CISD3: variants seen among roughly 807,000 people sequenced by gnomAD.
CISD3 encodes the protein CDGSH iron sulfur domain 3, also known as CDGSH iron-sulfur domain-containing protein 3, mitochondrial.
A neutral mutation model predicts 14.1 loss-of-function variants in CISD3; 11 were observed. The observed-to-expected ratio is 0.78, with a 90% CI of 0.49 to 1.29. The LOEUF (loss-of-function observed/expected upper bound fraction) is 1.29, where lower values mean the gene tolerates loss of function less well. CISD3 is among the 50% of genes most tolerant of loss of function. The pLI is 0.00. For synonymous variants in CISD3, 53 were observed against 69.2 expected (o/e 0.77, Z 1.16); for missense variants, 156 against 171.6 (o/e 0.91, Z 0.51).
At chr17:38,730,488 C>A in intron 1 of CISD3, 82 bp downstream of exon 1, 1 of 1,126,490 alleles carries the variant, frequency 8.9e-7, no homozygotes, top group Non-Finnish European at 1.2e-6. Flanking sequence ...CCCGGCCCGG[C>A]CGAGCATCCC....
At position 38,730,391 on chromosome 17, in the gene CISD3, G is replaced by A; in HGVS notation, c.33G>A (p.Ala11=). The A allele has an allele frequency of 8.3e-7, 1 of 1,208,664 alleles. No individual in the cohort carries two copies. The highest frequency in any genetic ancestry group is 1.0e-6 in the Non-Finnish European group (1 of 972,996). 74.9% of individuals were successfully genotyped at this position (1,208,664 alleles called of 1,614,324 possible). A position where few individuals can be genotyped will look rare whatever the true frequency, so the allele number is the denominator to read the frequency against. ...GCGCGGGGGCGATCCTGCGGCCGGCGGCGCGTGGTGCCCGGGTGAGCACCC... is the reference window on the plus strand; with the variant it reads ...GCGCGGGGGCGATCCTGCGGCCGGCAGCGCGTGGTGCCCGGGTGAGCACCC... MRGAGAILRP[A]ARGARDLNPR... Residue 11 remains alanine, a synonymous_variant, in exon 1 of 4, where the codon GCG becomes GCA. Coordinates refer to ENST00000613478, the MANE Select transcript of CISD3 (RefSeq NM_001136498.2).
In CISD3 at chr17:38,735,056, T is replaced by C. The variant is rs1906572670; in HGVS notation, c.*1601T>C. On this transcript the variant is annotated 3_prime_UTR_variant, in exon 4 of 4. Transcript: ENST00000613478. ...TTGGTCCATAGAAAATAAGTATGTA[T>C]ATTTGGTTTTTCCTATGTACATATA... 2.3e-6 allele frequency: 1 copy of C among 428,320 alleles called. No homozygotes were observed. 26.5% of individuals were successfully genotyped at this position (428,320 alleles called of 1,614,324 possible).
chr17:38,731,006 A>T, intron 2 of CISD3: 1 of 641,094 alleles, frequency 1.6e-6, no homozygotes, highest in East Asian at 2.7e-5. Context: ...ACCAAGCCCC[A>T]GTGTGGGTGG....
chr17:38,733,138 C>T (rs575553285), intron 3 of CISD3, 138 bp from the exon 4 acceptor site: 74 of 706,068 alleles, frequency 1.0e-4, no homozygotes, highest in Non-Finnish European at 1.5e-4. Flanking sequence ...AGAGAGGTCA[C>T]TCAGTGAGCC....
rs1195430577 is a variant in CISD3 at position 38,731,453 on chromosome 17, C to G, written c.204+14C>G. 2.6e-6 allele frequency: 4 copies of G among 1,551,542 alleles called. No individual in the cohort carries two copies. The East Asian group carries it at 9.8e-5, about 38-fold the overall frequency. Reference sequence around the variant, plus strand: ...AGCAAGAAGCAGGTGAGACCCCTGTCTGCCTTCCTACTGATACCTCTGGCT... The same window carrying G: ...AGCAAGAAGCAGGTGAGACCCCTGTGTGCCTTCCTACTGATACCTCTGGCT... On this transcript the variant is annotated intron_variant, in intron 3 of 3. Coordinates refer to ENST00000613478, the MANE Select transcript of CISD3 (RefSeq NM_001136498.2).
At chr17:38,733,213 G>GCCTGCCCTGCCCTGC (rs3066485) in intron 3 of CISD3, 63 bp from the exon 4 acceptor site, 8 of 1,456,502 alleles carry the variant, frequency 5.5e-6, no homozygotes, top group African/African-American at 1.4e-5. Context: ...AGCTCCTGCA[G>GCCTGCCCTGCCCTGC]CCTGCCCTGC....
chr17:38,733,575 A>C lies in CISD3; in HGVS notation c.*120A>C. The C allele has an allele frequency of 6.6e-5, 68 of 1,026,442 alleles. No homozygotes were observed. Among genetic ancestry groups the C allele is most frequent in the Non-Finnish European group, 8.9e-5 (65 of 730,954 alleles). 63.6% of individuals were successfully genotyped at this position (1,026,442 alleles called of 1,614,324 possible). ...AGACTCTGGTACCCACTGCTGGCTCATGAAGGAAGAATTATTCCTTATAAC... is the reference window on the plus strand; with the variant it reads ...AGACTCTGGTACCCACTGCTGGCTCCTGAAGGAAGAATTATTCCTTATAAC... On this transcript the variant is annotated 3_prime_UTR_variant, in exon 4 of 4. Coordinates refer to ENST00000613478, the MANE Select transcript of CISD3 (RefSeq NM_001136498.2).
chr17:38,731,151 G>C (rs992710996), intron 2 of CISD3, 169 bp from the exon 3 acceptor site: 13 of 893,796 alleles, frequency 1.5e-5, no homozygotes, highest in Middle Eastern at 7.0e-4. Flanking sequence ...CAAAGCTCAC[G>C]GTCCTATGGT....
At position 38,733,514 on chromosome 17, in the gene CISD3, C is replaced by T; in HGVS notation, c.*59C>T. On this transcript the variant is annotated 3_prime_UTR_variant, in exon 4 of 4. Transcript: ENST00000613478. ...GGCTCCAGGCCTCTGACAGGCACCC[C>T]CTTCTGTGGGAAAGGAAACAGGTGC... 6.9e-7 allele frequency: 1 copy of T among 1,440,546 alleles called. No individual in the cohort carries two copies. The highest frequency in any genetic ancestry group is 9.2e-7 in the Non-Finnish European group (1 of 1,088,922). 89.2% of individuals were successfully genotyped at this position (1,440,546 alleles called of 1,614,324 possible). A position where few individuals can be genotyped will look rare whatever the true frequency, so the allele number is the denominator to read the frequency against.
At chr17:38,730,682 C>T in intron 1 of CISD3, 78 bp from the exon 2 acceptor site, 2 of 1,446,352 alleles carry the variant, frequency 1.4e-6, no homozygotes, top group Admixed American at 3.9e-5. Context: ...CTCCCGTGTC[C>T]TTCCCTTTCC....
chr17:38,730,785 C>T lies in CISD3; in HGVS notation c.74C>T (p.Ser25Phe), dbSNP rs1409799216. Residue 25 changes from serine to phenylalanine, a missense_variant, in exon 2 of 4, where the codon TCC becomes TTC. Ser to Phe is a radical substitution (Grantham distance 155, BLOSUM62 -2). Transcript: ENST00000613478. ...GACCTGAACCCGCGGCGGGACATCTCCTCCTGGCTGGTGAGTCCCCCCATC... is the reference window on the plus strand; with the variant it reads ...GACCTGAACCCGCGGCGGGACATCTTCTCCTGGCTGGTGAGTCCCCCCATC... Reference protein sequence around the residue: ...ARDLNPRRDISSWLAQWFPRT... With the variant: ...ARDLNPRRDIFSWLAQWFPRT... The T allele has an allele frequency of 6.4e-7, 1 of 1,551,716 alleles. No homozygotes were observed. Among genetic ancestry groups the T allele is most frequent in the East Asian group, 2.4e-5 (1 of 40,916 alleles).
At chr17:38,730,567 C>A in intron 1 of CISD3, 161 bp downstream of exon 1, 1 of 827,010 alleles carries the variant, frequency 1.2e-6, no homozygotes, top group Non-Finnish European at 1.9e-6. Context: ...AGCGCCAGTC[C>A]CTGCCAGGAC....
Position 38,731,444 on chromosome 17 carries a change from GA to G in CISD3, c.204+6del, listed in dbSNP as rs1906331699. ...TGTGGCCGCAGCAAGAAGCAGGTGAGACCCCTGTCTGCCTTCCTACTGATAC... is the reference window on the plus strand; with the variant it reads ...TGTGGCCGCAGCAAGAAGCAGGTGAGCCCCTGTCTGCCTTCCTACTGATAC... On this transcript the variant is annotated splice_donor_region_variant and intron_variant, in intron 3 of 3. Coordinates refer to ENST00000613478, the MANE Select transcript of CISD3 (RefSeq NM_001136498.2). 6 of 1,551,424 alleles carry G rather than the reference GA, an allele frequency of 3.9e-6. No individual in the cohort carries two copies. The highest frequency in any genetic ancestry group is 4.4e-6 in the Non-Finnish European group (5 of 1,146,932).
chr17:38,732,967 A>T (rs1201311624), intron 3 of CISD3, among the ~76,000 whole-genome samples: 2 of 51,336 alleles, frequency 3.9e-5, no homozygotes, highest in African/African-American at 8.0e-5. Context: ...ACACACACAC[A>T]CTCACACTCT....
intron 3 of CISD3, 46 bp downstream of exon 3, chr17:38,731,485 AG>A (rs1340545444): frequency 6.5e-7 from 1 of 1,550,318 alleles, no homozygotes; most frequent in East Asian, 2.4e-5. Context: ...GGCTAGGAAC[AG>A]CCTGGTGTCT....
rs550890999 is a variant in CISD3, at chr17:38,733,200, CT to C, written c.205-75del. 6.2e-5 allele frequency: 88 copies of C among 1,420,466 alleles called. 1 individual carries two copies. The East Asian group carries it at 1.8e-3, about 30-fold the overall frequency. 88.0% of individuals were successfully genotyped at this position (1,420,466 alleles called of 1,614,324 possible). On this transcript the variant is annotated intron_variant, in intron 3 of 3. Coordinates refer to ENST00000613478, the MANE Select transcript of CISD3 (RefSeq NM_001136498.2). ...CCCTAACCACTGTGCTCCACTCCCC[CT>C]GAGCTCCTGCAGCCTGCCCTGCCCT...
chr17:38,732,594 A>C (rs1244922369), intron 3 of CISD3, among the ~76,000 whole-genome samples: 1 of 152,110 alleles, frequency 6.6e-6, no homozygotes, highest in Admixed American at 6.5e-5. Context: ...CCGTGTTTGC[A>C]TCACTGCACT....
rs1906524107 is a variant in CISD3 at position 38,734,567 on chromosome 17, A to G, written c.*1112A>G. The G allele has an allele frequency of 1.3e-5, 2 of 152,198 alleles. No homozygotes were observed. Among genetic ancestry groups the G allele is most frequent in the Non-Finnish European group, 2.9e-5 (2 of 67,988 alleles). 9.4% of individuals were successfully genotyped at this position (152,198 alleles called of 1,614,324 possible). On this transcript the variant is annotated 3_prime_UTR_variant, in exon 4 of 4. Coordinates refer to ENST00000613478, the MANE Select transcript of CISD3 (RefSeq NM_001136498.2). Reference sequence around the variant, plus strand: ...AGGCAGAACTATCTATTCTTTGCACAAAGTTTCCACTGCAAGAGGAGGAGG... The same window carrying G: ...AGGCAGAACTATCTATTCTTTGCACGAAGTTTCCACTGCAAGAGGAGGAGG...
Position 38,733,477 on chromosome 17 carries a change from A to G in CISD3, c.*22A>G, listed in dbSNP as rs1906443340. ...CTGAGGGGGCTGCTGCTGTCCAGCCACAGGTGGCCTTGGCTCCAGGCCTCT... is the reference window on the plus strand; with the variant it reads ...CTGAGGGGGCTGCTGCTGTCCAGCCGCAGGTGGCCTTGGCTCCAGGCCTCT... On this transcript the variant is annotated 3_prime_UTR_variant, in exon 4 of 4. Coordinates refer to ENST00000613478, the MANE Select transcript of CISD3 (RefSeq NM_001136498.2). The G allele has an allele frequency of 3.3e-6, 5 of 1,500,054 alleles. No individual in the cohort carries two copies. The highest frequency in any genetic ancestry group is 1.4e-5 in the African/African-American group (1 of 71,744). The allele number at this position is 1,500,054 out of a possible 1,614,324, so 92.9% of individuals were successfully genotyped here. A position where few individuals can be genotyped will look rare whatever the true frequency, so the allele number is the denominator to read the frequency against.
Sources: gnomAD v4.1 joint callset for allele counts (sites outside exome capture counted in the v4.1 genomes callset) on GRCh38, gnomAD v4.1.1 for gene constraint, MANE v1.5 for transcripts, NCBI Gene and HGNC (gene_info 2026-07-23, HGNC 2026-07-21) for gene names.